Variants in FAT3 observed in about 807,000 individuals in gnomAD.
FAT3 encodes FAT atypical cadherin 3, also known as protocadherin Fat 3.
A neutral mutation model predicts 310.2 loss-of-function variants in FAT3; 95 were observed. That is an observed-to-expected ratio of 0.31 (90% CI 0.26 to 0.36). The LOEUF is 0.36. Among genes scored for constraint, FAT3 ranks in the 10% least tolerant of loss-of-function variants. The pLI is 1.00. For missense variants in FAT3, 5,408 were observed against 5,715.6 expected, an observed-to-expected ratio of 0.95 and a Z score of 1.74; for synonymous variants, 2,314 against 2,192.9, an observed-to-expected ratio of 1.06 and a Z score of -1.54.
At chr11:92,571,037 G>A (rs1394705265) in intron 3 of FAT3, among the ~76,000 whole-genome samples, 1 of 151,906 alleles carries the variant, frequency 6.6e-6, no homozygotes, top group East Asian at 1.9e-4. Flanking sequence ...GACCGTGCTG[G>A]GTCCTAAGAT....
chr11:92,448,132 T>C (rs559300859), intron 2 of FAT3, among the ~76,000 whole-genome samples: 40 of 152,254 alleles, frequency 2.6e-4, no homozygotes, highest in African/African-American at 9.6e-4. Context: ...GTGATTAAAA[T>C]CACACTTACC....
intron 1 of FAT3, among the ~76,000 whole-genome samples, chr11:92,349,861 T>C (rs767058275): frequency 1.3e-5 from 2 of 152,226 alleles, no homozygotes; most frequent in East Asian, 3.9e-4. Flanking sequence ...TGTAACTCCA[T>C]GTTTTCTACG....
In FAT3 at chr11:92,443,362, G is replaced by A. The variant is rs528854730; in HGVS notation, c.3293-81272G>A. Among the ~76,000 whole-genome samples the A allele has an allele frequency of 2.6e-5, 4 of 152,310 alleles. No individual in the cohort carries two copies. In the South Asian group the frequency reaches 6.2e-4, roughly 24 times the overall value. On this transcript the variant is annotated intron_variant, in intron 2 of 27. Transcript: ENST00000525166. ...TGTCAAATCCTTGCAGAACTACTGAGAACATTCCTGGCATATGGGTTTTGT... is the reference window on the plus strand; with the variant it reads ...TGTCAAATCCTTGCAGAACTACTGAAAACATTCCTGGCATATGGGTTTTGT...
intron 13 of FAT3, among the ~76,000 whole-genome samples, chr11:92,819,122 C>T (rs1053594853): frequency 2.6e-5 from 4 of 152,150 alleles, no homozygotes; most frequent in Non-Finnish European, 5.9e-5. Flanking sequence ...GGTTAAGTAA[C>T]TTGCCCTGAG....
At chr11:92,886,164 A>C (rs1280685491) in intron 24 of FAT3, among the ~76,000 whole-genome samples, 1 of 152,094 alleles carries the variant, frequency 6.6e-6, no homozygotes, top group East Asian at 1.9e-4. Flanking sequence ...TTTCCCCCCA[A>C]AGTATTGTTG....
intron 3 of FAT3, among the ~76,000 whole-genome samples, chr11:92,628,841 C>G (rs1380585734): frequency 6.6e-6 from 1 of 152,186 alleles, no homozygotes; most frequent in Non-Finnish European, 1.5e-5. Flanking sequence ...GCAGCTGGAT[C>G]TTCTGAAAGA....
chr11:92,579,133 G>C (rs1591478875), intron 3 of FAT3, among the ~76,000 whole-genome samples: 2 of 152,170 alleles, frequency 1.3e-5, no homozygotes, highest in African/African-American at 4.8e-5. Flanking sequence ...TCAGTGGTTG[G>C]TTCTTATTAA....
Position 92,441,978 on chromosome 11 carries a change from G to A in FAT3, c.3293-82656G>A, listed in dbSNP as rs948755998. Among the ~76,000 whole-genome samples, 6 of 150,094 alleles carry A rather than the reference G, an allele frequency of 4.0e-5. No homozygotes were observed. In the East Asian group the frequency reaches 1.2e-3, roughly 29 times the overall value. On this transcript the variant is annotated intron_variant, in intron 2 of 27. Transcript: ENST00000525166. ...CACGACTCAGGAGCTACTCAAGAAGGGACAGCTTTTAAAAATTAGTGCATT... is the reference window on the plus strand; with the variant it reads ...CACGACTCAGGAGCTACTCAAGAAGAGACAGCTTTTAAAAATTAGTGCATT...
At chr11:92,523,573 A>T (rs1953754587) in intron 2 of FAT3, among the ~76,000 whole-genome samples, 1 of 152,212 alleles carries the variant, frequency 6.6e-6, no homozygotes, top group Admixed American at 6.5e-5. Flanking sequence ...ACAAAAGTTT[A>T]ACAGGAATAC....
chr11:92,262,924 G>T lies in FAT3; in HGVS notation c.-18+37750G>T, dbSNP rs551934743. Among the ~76,000 whole-genome samples the T allele has an allele frequency of 2.0e-5, 3 of 151,794 alleles. No individual in the cohort carries two copies. In the South Asian group the frequency reaches 6.2e-4, roughly 32 times the overall value. On this transcript the variant is annotated intron_variant, in intron 1 of 27. Coordinates refer to ENST00000525166, the MANE Select transcript of FAT3 (RefSeq NM_001367949.2). The stretch of plus-strand genomic sequence containing the variant: ...TAGAGGCAATTACTGTCGTCAAGGT[G>T]GCTACCGAAATGTAGGTATTTCTCT...
chr11:92,431,015 G>A lies in FAT3; in HGVS notation c.3292+75611G>A, dbSNP rs546454492. Among the ~76,000 whole-genome samples, 1,327 of 152,116 alleles carry A rather than the reference G, an allele frequency of 8.7e-3. 14 individuals carry two copies. The highest frequency in any genetic ancestry group is 0.031 in the African/African-American group (1,285 of 41,474). ...TAGCAGCATGATTTATAATCCTTTG[G>A]GTATATACCCAGTAATGGGATTGCT... On this transcript the variant is annotated intron_variant, in intron 2 of 27. Transcript: ENST00000525166.
At chr11:92,261,576 T>A (rs1018188968) in intron 1 of FAT3, among the ~76,000 whole-genome samples, 1 of 152,122 alleles carries the variant, frequency 6.6e-6, no homozygotes, top group African/African-American at 2.4e-5. Context: ...AACTGTGTGA[T>A]TTTTTAGCTC....
rs1047659251 is a variant in FAT3 at position 92,667,181 on chromosome 11, T to G, written c.3608-30203T>G. Among the ~76,000 whole-genome samples, 4 of 152,356 alleles carry G rather than the reference T, an allele frequency of 2.6e-5. No individual in the cohort carries two copies. The East Asian group carries it at 5.8e-4, about 22-fold the overall frequency. On this transcript the variant is annotated intron_variant, in intron 3 of 27. Transcript: ENST00000525166. ...TCTGTGATGCCAACTTGGTATTAGA[T>G]CTGATTTAGCTACACATGTGCATTT...
intron 1 of FAT3, among the ~76,000 whole-genome samples, chr11:92,280,818 A>G (rs1032850476): frequency 2.0e-5 from 3 of 152,150 alleles, no homozygotes; most frequent in Admixed American, 2.0e-4. Flanking sequence ...GAAACTTATC[A>G]TGCTGTTTCA....
intron 2 of FAT3, among the ~76,000 whole-genome samples, chr11:92,452,237 G>A (rs1951373155): frequency 6.6e-6 from 1 of 152,118 alleles, no homozygotes; most frequent in Non-Finnish European, 1.5e-5. Flanking sequence ...TCTGGATTCT[G>A]GACTCTGATT....
Position 92,806,474 on chromosome 11 carries a change from A to G in FAT3, c.9206A>G (p.Tyr3069Cys), listed in dbSNP as rs373937693. Residue 3069 changes from tyrosine (Y) to cysteine (C), a missense_variant, in exon 12 of 28, where the codon TAT becomes TGT. Tyr to Cys is a radical substitution (Grantham distance 194). Coordinates refer to ENST00000525166, the MANE Select transcript of FAT3 (RefSeq NM_001367949.2). ...AATGGATATATACGATACTCACTCT[A>G]TGGATCTGGAAACAGTGAATTTTTT... Reference protein sequence around the residue: ...GSNGYIRYSLYGSGNSEFFLD... With the variant: ...GSNGYIRYSLCGSGNSEFFLD... 1.1e-5 allele frequency: 17 copies of G among 1,567,538 alleles called. No individual in the cohort carries two copies. Among genetic ancestry groups the G allele is most frequent in the African/African-American group, 6.7e-5 (5 of 74,496 alleles).
At chr11:92,255,660 A>C (rs956776228) in intron 1 of FAT3, among the ~76,000 whole-genome samples, 1 of 152,080 alleles carries the variant, frequency 6.6e-6, no homozygotes, top group Non-Finnish European at 1.5e-5. Flanking sequence ...GTGATGTTGG[A>C]ATTTTCCTAA....
chr11:92,497,926 C>A (rs1249040263), intron 2 of FAT3, among the ~76,000 whole-genome samples: 1 of 151,896 alleles, frequency 6.6e-6, no homozygotes. Context: ...GTTTTCAGAT[C>A]CCTTTTATGT....
intron 3 of FAT3, among the ~76,000 whole-genome samples, chr11:92,571,444 C>G (rs1187711933): frequency 6.6e-6 from 1 of 152,306 alleles, no homozygotes; most frequent in East Asian, 1.9e-4. Flanking sequence ...TCATCAGGAT[C>G]CTAACTGCCC....
Sources: allele counts gnomAD v4.1 joint callset (sites outside exome capture counted in the v4.1 genomes callset), GRCh38; gene constraint gnomAD v4.1.1; transcripts MANE v1.5; gene names NCBI Gene and HGNC (gene_info 2026-07-23, HGNC 2026-07-21).